SLC9A9: variants seen among roughly 807,000 people sequenced by gnomAD.
SLC9A9 encodes the protein solute carrier family 9 member A9.
A neutral mutation model predicts 77.8 loss-of-function variants in SLC9A9; 62 were observed. The observed-to-expected ratio is 0.80, with a 90% CI of 0.65 to 0.98. SLC9A9 has a LOEUF of 0.98. Ranked by LOEUF, SLC9A9 falls within the 50% of genes least tolerant of loss-of-function variation. The pLI, the probability that SLC9A9 is intolerant of heterozygous loss-of-function variation, is 0.00. For synonymous variants in SLC9A9, 320 were observed against 283.5 expected (o/e 1.13, Z -1.29); for missense variants, 775 against 774.9 (o/e 1.00, Z 0.00).
At chr3:143,413,881 G>A (rs547873575) in intron 12 of SLC9A9, among the ~76,000 whole-genome samples, 3 of 152,300 alleles carry the variant, frequency 2.0e-5, no homozygotes, top group East Asian at 1.9e-4. Flanking sequence ...GCAGTCTTAC[G>A]TGGGTGAAAA....
At chr3:143,780,088 C>T (rs1380562959) in intron 4 of SLC9A9, among the ~76,000 whole-genome samples, 2 of 152,132 alleles carry the variant, frequency 1.3e-5, no homozygotes, top group African/African-American at 4.8e-5. Context: ...AAGTTTGTAA[C>T]CTAGAATAGA....
intron 12 of SLC9A9, among the ~76,000 whole-genome samples, chr3:143,431,485 C>CTTT (rs35264017): frequency 7.7e-5 from 10 of 130,086 alleles, no homozygotes; most frequent in Non-Finnish European, 9.6e-5. Flanking sequence ...CTGCCCCCAC[C>CTTT]TTTTTTTTTT....
At chr3:143,619,804 G>A (rs529985333) in intron 6 of SLC9A9, among the ~76,000 whole-genome samples, 6 of 152,262 alleles carry the variant, frequency 3.9e-5, no homozygotes, top group East Asian at 1.9e-4. Flanking sequence ...TTCTGGTCCC[G>A]CCAACAGAAG....
intron 6 of SLC9A9, among the ~76,000 whole-genome samples, chr3:143,628,196 A>G (rs933573092): frequency 6.6e-6 from 1 of 152,190 alleles, no homozygotes; most frequent in South Asian, 2.1e-4. Context: ...ATGGAGGGAT[A>G]AAAGGAGAGA....
chr3:143,843,743 C>T (rs1455995403), intron 1 of SLC9A9, among the ~76,000 whole-genome samples: 1 of 152,140 alleles, frequency 6.6e-6, no homozygotes, highest in Non-Finnish European at 1.5e-5. Context: ...ATTCTTAATG[C>T]TGTCAGGGAG....
intron 12 of SLC9A9, among the ~76,000 whole-genome samples, chr3:143,413,546 C>T (rs17757182): frequency 0.27 from 41,138 of 151,902 alleles, 6,092 homozygotes; most frequent in Non-Finnish European, 0.34. Context: ...AGGCAGCTGG[C>T]GGAAAGAGGA....
chr3:143,273,324 A>C (rs1198667695), intron 14 of SLC9A9, among the ~76,000 whole-genome samples: 2 of 152,296 alleles, frequency 1.3e-5, no homozygotes, highest in East Asian at 1.9e-4. Context: ...CCCTAGCCCC[A>C]GTGTGATATT....
chr3:143,748,782 C>A (rs1022042708), intron 4 of SLC9A9, among the ~76,000 whole-genome samples: 4 of 149,134 alleles, frequency 2.7e-5, no homozygotes, highest in African/African-American at 9.9e-5. Context: ...CGGCTCACTG[C>A]AAGCTCCGCT....
intron 12 of SLC9A9, among the ~76,000 whole-genome samples, chr3:143,403,008 G>A (rs903759444): frequency 2.7e-4 from 41 of 151,156 alleles, no homozygotes; most frequent in African/African-American, 9.7e-4. Context: ...CTCAATTCCA[G>A]TAAGATGTAG....
chr3:143,530,674 C>CAAAAA (rs77309463), intron 9 of SLC9A9, among the ~76,000 whole-genome samples: 5 of 122,308 alleles, frequency 4.1e-5, no homozygotes, highest in African/African-American at 7.7e-5. Flanking sequence ...AACAAACAAA[C>CAAAAA]AAAAACCAAA....
chr3:143,289,677 T>C lies in SLC9A9; in HGVS notation c.1605-20697A>G, dbSNP rs559625073. Reference sequence around the variant, plus strand: ...CCTCCCCTATCCATCTACCCATCTGTCCATCCATCTATTCATCCATCTACT... The same window carrying C: ...CCTCCCCTATCCATCTACCCATCTGCCCATCCATCTATTCATCCATCTACT... On this transcript the variant is annotated intron_variant, in intron 14 of 15. Transcript: ENST00000316549. 2.6e-5 allele frequency among the ~76,000 whole-genome samples: 4 copies of C among 152,268 alleles called. No individual in the cohort carries two copies. The South Asian group carries it at 8.3e-4, about 32-fold the overall frequency.
intron 12 of SLC9A9, among the ~76,000 whole-genome samples, chr3:143,455,958 C>T (rs1450400046): frequency 6.6e-6 from 1 of 151,814 alleles, no homozygotes; most frequent in Non-Finnish European, 1.5e-5. Flanking sequence ...AGAGTTCCTT[C>T]CTAAAATTAG....
chr3:143,316,886 ATGAGTAAC>A (rs1223156032), intron 14 of SLC9A9, among the ~76,000 whole-genome samples: 2 of 152,160 alleles, frequency 1.3e-5, no homozygotes, highest in African/African-American at 4.8e-5. Flanking sequence ...CATTTCATAG[ATGAGTAAC>A]TGAGGCTCAG....
intron 4 of SLC9A9, among the ~76,000 whole-genome samples, chr3:143,730,934 A>G (rs1934788352): frequency 6.6e-6 from 1 of 152,146 alleles, no homozygotes; most frequent in South Asian, 2.1e-4. Context: ...CTTGGCTCAC[A>G]TTGCTTATTT....
intron 2 of SLC9A9, among the ~76,000 whole-genome samples, chr3:143,815,542 A>ATTT (rs71912841): frequency 8.5e-4 from 110 of 129,404 alleles, no homozygotes; most frequent in African/African-American, 3.7e-3. Context: ...GCTTTTTGCT[A>ATTT]TTTTAAAAAA....
chr3:143,287,645 G>C (rs1358374759), intron 14 of SLC9A9, among the ~76,000 whole-genome samples: 1 of 152,196 alleles, frequency 6.6e-6, no homozygotes, highest in Non-Finnish European at 1.5e-5. Flanking sequence ...ATAATTCCCA[G>C]TGCTGCTATT....
At chr3:143,585,476 C>T (rs779002354) in intron 6 of SLC9A9, among the ~76,000 whole-genome samples, 3 of 152,146 alleles carry the variant, frequency 2.0e-5, no homozygotes, top group Non-Finnish European at 4.4e-5. Context: ...CAGGACTGAA[C>T]CAATGTACAT....
intron 14 of SLC9A9, 87 bp downstream of exon 14, chr3:143,363,397 G>T (rs1458843342): frequency 6.0e-6 from 7 of 1,167,826 alleles, no homozygotes; most frequent in Non-Finnish European, 7.7e-6. Flanking sequence ...TTCTTGAAGA[G>T]CAGGAGTGCA....
intron 14 of SLC9A9, among the ~76,000 whole-genome samples, chr3:143,301,210 T>C (rs139400599): frequency 1.6e-3 from 250 of 152,340 alleles, no homozygotes; most frequent in South Asian, 3.9e-3. Context: ...TCCCAAATTG[T>C]TCTGATTTGC....
Sources: allele counts gnomAD v4.1 joint callset (sites outside exome capture counted in the v4.1 genomes callset), GRCh38; gene constraint gnomAD v4.1.1; transcripts MANE v1.5; gene names NCBI Gene and HGNC (gene_info 2026-07-23, HGNC 2026-07-21).